The following BID variants were observed in gnomAD, a reference collection of about 807,000 sequenced individuals.
BID encodes the protein BH3 interacting domain death agonist, also known as BH3-interacting domain death agonist.
In BID, 19 loss-of-function variants were observed where a neutral mutation model predicts 17.4. The ratio of observed to expected loss-of-function variants is 1.09; its 90% CI spans 0.76 to 1.60. The LOEUF (loss-of-function observed/expected upper bound fraction) is 1.60, where lower values mean the gene tolerates loss of function less well. BID is among the 40% of genes most tolerant of loss of function. BID has a pLI of 0.00. For missense variants in BID, 226 were observed against 256.0 expected, an observed-to-expected ratio of 0.88 and a Z score of 0.80; for synonymous variants, 108 against 102.8, an observed-to-expected ratio of 1.05 and a Z score of -0.31.
chr22:17,771,109 T>TA (rs1439857710), intron 1 of BID, among the ~76,000 whole-genome samples: 3 of 151,522 alleles, frequency 2.0e-5, no homozygotes, highest in Non-Finnish European at 4.4e-5. Flanking sequence ...TTTCCCCCAC[T>TA]TTTTTTTTGA....
chr22:17,763,710 CTT>C (rs35220679), intron 1 of BID, among the ~76,000 whole-genome samples: 11 of 141,956 alleles, frequency 7.7e-5, no homozygotes, highest in Non-Finnish European at 7.6e-5. Flanking sequence ...TGAAAACATA[CTT>C]TTTTTTTTTT....
intron 1 of BID, among the ~76,000 whole-genome samples, chr22:17,756,640 A>G (rs2061593479): frequency 6.7e-6 from 1 of 149,526 alleles, no homozygotes; most frequent in South Asian, 2.1e-4. Context: ...CAATGGCACA[A>G]TCTCGGCTCA....
At chr22:17,771,154 C>T (rs1456202112) in intron 1 of BID, among the ~76,000 whole-genome samples, 4 of 152,226 alleles carry the variant, frequency 2.6e-5, no homozygotes, top group Admixed American at 6.5e-5. Context: ...GGCTGGAGTG[C>T]AGTGGCGCGA....
chr22:17,737,652 A>C (rs914150872), intron 5 of BID, among the ~76,000 whole-genome samples: 8 of 152,156 alleles, frequency 5.3e-5, no homozygotes, highest in Admixed American at 3.3e-4. Context: ...GCCACATTAC[A>C]CTTATTTTTT....
intron 1 of BID, among the ~76,000 whole-genome samples, chr22:17,761,222 C>A: frequency 6.6e-6 from 1 of 152,194 alleles, no homozygotes; most frequent in South Asian, 2.1e-4. Context: ...TTGTTTAAGG[C>A]AGGCTCGCGG....
chr22:17,757,493 G>C (rs1178671168), intron 1 of BID, among the ~76,000 whole-genome samples: 1 of 149,736 alleles, frequency 6.7e-6, no homozygotes, highest in Non-Finnish European at 1.5e-5. Flanking sequence ...CGGATCACAA[G>C]GTCAGGAGAT....
rs564734502 is a variant in BID, at chr22:17,742,194, C to A, written c.223+1609G>T. On this transcript the variant is annotated intron_variant, in intron 3 of 5. Coordinates refer to ENST00000622694, the MANE Select transcript of BID (RefSeq NM_001196.4). ...ATTCACAGTCCCTGTCACCTGCAGG[C>A]TAAGTGAACTGCCATGATCACTTTT... 4.6e-5 allele frequency among the ~76,000 whole-genome samples: 7 copies of A among 152,374 alleles called. 1 individual carries two copies. The South Asian group carries it at 1.0e-3, about 23-fold the overall frequency.
intron 4 of BID, among the ~76,000 whole-genome samples, chr22:17,738,882 T>C (rs1000210491): frequency 6.6e-6 from 1 of 152,176 alleles, no homozygotes; most frequent in African/African-American, 2.4e-5. Context: ...TTCTTTCCGC[T>C]AAGTGTTCTG....
chr22:17,739,806 C>T (rs2061445849), intron 3 of BID: 1 of 582,450 alleles, frequency 1.7e-6, no homozygotes, highest in African/African-American at 1.9e-5. Context: ...GCAGCGGCTT[C>T]ATGGCTCACA....
chr22:17,768,597 C>T (rs1329382295), intron 1 of BID, among the ~76,000 whole-genome samples: 3 of 152,130 alleles, frequency 2.0e-5, no homozygotes, highest in Non-Finnish European at 2.9e-5. Flanking sequence ...AAGGCTGGGC[C>T]GCAAGGTGGC....
chr22:17,768,192 G>C (rs922149260), intron 1 of BID, among the ~76,000 whole-genome samples: 2 of 152,174 alleles, frequency 1.3e-5, no homozygotes, highest in African/African-American at 4.8e-5. Flanking sequence ...GGTGACGGTC[G>C]CACACCGTGT....
At chr22:17,768,391 C>A (rs111935806) in intron 1 of BID, among the ~76,000 whole-genome samples, 55 of 152,368 alleles carry the variant, frequency 3.6e-4, no homozygotes, top group African/African-American at 1.3e-3. Flanking sequence ...AGTCAGTGGA[C>A]CCCTATGCTC....
At position 17,757,721 on chromosome 22, in the gene BID, A is replaced by AAAG. The variant is rs1555906443; in HGVS notation, c.-58-7548_-58-7547insCTT. ...GAGACTCCGTCTCAAAAAAAAAAAA[A>AAAG]AAAGAAAAAAAGAAAGCAATTCCAG... On this transcript the variant is annotated intron_variant, in intron 1 of 5. Transcript: ENST00000622694. 5.3e-3 allele frequency among the ~76,000 whole-genome samples: 799 copies of AAAG among 151,950 alleles called. 6 individuals carry two copies. The highest frequency in any genetic ancestry group is 0.018 in the African/African-American group (740 of 41,354).
At position 17,769,155 on chromosome 22, in the gene BID, G is replaced by A. The variant is rs2061701186; in HGVS notation, c.-59+5226C>T. 6.6e-6 allele frequency among the ~76,000 whole-genome samples: 1 copy of A among 152,248 alleles called. No individual in the cohort carries two copies. The highest frequency in any genetic ancestry group is 1.5e-5 in the Non-Finnish European group (1 of 68,038). On this transcript the variant is annotated intron_variant, in intron 1 of 5. Transcript: ENST00000622694. The surrounding 1 kb of genome is among the most constrained non-coding windows in gnomAD (Gnocchi z 4.8). ...TCAGGGCAGAGCCTCACAGAGCACAGCAGGGCCTGTGCCGTGCCAACGCCA... is the reference window on the plus strand; with the variant it reads ...TCAGGGCAGAGCCTCACAGAGCACAACAGGGCCTGTGCCGTGCCAACGCCA...
intron 3 of BID, chr22:17,740,316 G>A (rs941957277): frequency 1.7e-5 from 12 of 724,484 alleles, no homozygotes; most frequent in Admixed American, 4.2e-5. Flanking sequence ...ATGCATGCCT[G>A]TAATCCCAGT....
At chr22:17,763,529 C>T (rs576203633) in intron 1 of BID, among the ~76,000 whole-genome samples, 12 of 152,324 alleles carry the variant, frequency 7.9e-5, no homozygotes, top group African/African-American at 2.6e-4. Context: ...CAGGCGTGAA[C>T]CACCGTGCCT....
chr22:17,760,288 T>C (rs2061627368), intron 1 of BID, among the ~76,000 whole-genome samples: 1 of 150,498 alleles, frequency 6.6e-6, no homozygotes, highest in African/African-American at 2.4e-5. Context: ...CCAGCTCTAC[T>C]AAAAATACAA....
intron 1 of BID, among the ~76,000 whole-genome samples, chr22:17,760,446 T>G (rs1239771390): frequency 1.8e-5 from 2 of 112,986 alleles, no homozygotes; most frequent in East Asian, 4.6e-4. Flanking sequence ...AGCAAGACTC[T>G]GTCTCAAAAA....
chr22:17,770,240 A>C (rs1294108577), intron 1 of BID, among the ~76,000 whole-genome samples: 2 of 152,146 alleles, frequency 1.3e-5, no homozygotes, highest in Non-Finnish European at 2.9e-5. Context: ...CTCCCAGCCC[A>C]GAGAGGGAAG....
Sources: allele counts gnomAD v4.1 joint callset (sites outside exome capture counted in the v4.1 genomes callset), GRCh38; gene constraint gnomAD v4.1.1; non-coding constraint Gnocchi (gnomAD v3.1); transcripts MANE v1.5; gene names NCBI Gene and HGNC (gene_info 2026-07-23, HGNC 2026-07-21).